MRPL36: variants seen among roughly 807,000 people sequenced by gnomAD.
MRPL36 encodes large ribosomal subunit protein bL36m.
A neutral mutation model predicts 2.8 loss-of-function variants in MRPL36; 1 was observed. The observed-to-expected ratio is 0.36, with a 90% CI of 0.13 to 1.69. MRPL36 has a LOEUF of 1.69. Among genes scored for constraint, MRPL36 ranks in the 40% most tolerant of loss-of-function variants. The probability of loss-of-function intolerance (pLI) is 0.35; values close to 1 mark genes in which losing one functional copy is unlikely to be tolerated. For synonymous variants in MRPL36, 68 were observed against 54.8 expected (o/e 1.24, Z -1.06); for missense variants, 148 against 132.7 (o/e 1.12, Z -0.57).
At chr5:1,801,199 C>T, upstream of MRPL36, 2 of 656,220 alleles carry the variant, frequency 3.0e-6, no homozygotes, top group Non-Finnish European at 2.5e-6. Context: ...AACAAGCGCA[C>T]AGTACTCGGT....
Position 1,799,823 on chromosome 5 carries a change from C to G in MRPL36, c.-44G>C, listed in dbSNP as rs953125959. ...GCACGCTCTCACCCGGCGCCGACCC[C>G]TGCGTCTGCGCACTGGCACGCGGAC... On this transcript the variant is annotated 5_prime_UTR_variant, in exon 1 of 2. Coordinates refer to ENST00000505059, the MANE Select transcript of MRPL36 (RefSeq NM_032479.4). 28 of 152,102 alleles carry G rather than the reference C, an allele frequency of 1.8e-4. No individual in the cohort carries two copies. The highest frequency in any genetic ancestry group is 3.1e-4 in the Non-Finnish European group (21 of 68,080). The allele number at this position is 152,102 out of a possible 1,614,324, so 9.4% of individuals were successfully genotyped here.
chr5:1,800,256 C>T (rs545850188), upstream of MRPL36, among the ~76,000 whole-genome samples: 6 of 152,110 alleles, frequency 3.9e-5, no homozygotes, highest in Admixed American at 6.5e-5. Flanking sequence ...TGAAAAACTT[C>T]GGACATAGAG....
chr5:1,800,948 A>G (rs1327945538), upstream of MRPL36, among the ~76,000 whole-genome samples: 1 of 152,200 alleles, frequency 6.6e-6, no homozygotes, highest in Admixed American at 6.5e-5. Context: ...AATAATTTTG[A>G]TATTTAAATG....
At chr5:1,801,381 C>T (rs756411481), upstream of MRPL36, 6 of 1,600,868 alleles carry the variant, frequency 3.7e-6, no homozygotes, top group African/African-American at 2.7e-5. Flanking sequence ...TAGCGCTAAG[C>T]GGGACGTTGC....
chr5:1,799,751 A>G (rs13187162), intron 1 of MRPL36, 41 bp downstream of exon 1: 112,032 of 152,176 alleles, frequency 0.74, 44,374 homozygotes, highest in Non-Finnish European at 0.88. Flanking sequence ...CCCACTCTCA[A>G]GACACCCGGG....
At chr5:1,800,910 G>A (rs1258530712), upstream of MRPL36, among the ~76,000 whole-genome samples, 1 of 152,184 alleles carries the variant, frequency 6.6e-6, no homozygotes, top group African/African-American at 2.4e-5. Flanking sequence ...TTCCAGTCTC[G>A]TCTGCTAAGC....
At chr5:1,799,958 C>G (rs537332922), upstream of MRPL36, 1 of 151,580 alleles carries the variant, frequency 6.6e-6, no homozygotes, top group South Asian at 2.1e-4. Context: ...TGGAGTGCGA[C>G]GTATCACTCC....
chr5:1,801,421 G>A (rs797045734), upstream of MRPL36: 4 of 1,605,162 alleles, frequency 2.5e-6, no homozygotes, highest in East Asian at 8.9e-5. Flanking sequence ...GCGCAAAATG[G>A]CGGCGGCGAT....
At position 1,799,784 on chromosome 5, in the gene MRPL36, T is replaced by TCCCTTACCCGTCCACACG. The variant is rs1554017851; in HGVS notation, c.-13+7_-13+8insCGTGTGGACGGGTAAGGG. 7.4e-6 allele frequency: 1 copy of TCCCTTACCCGTCCACACG among 134,288 alleles called. No individual in the cohort carries two copies. The highest frequency in any genetic ancestry group is 2.9e-5 in the African/African-American group (1 of 34,184). The allele number at this position is 134,288 out of a possible 1,614,324, so 8.3% of individuals were successfully genotyped here. On this transcript the variant is annotated splice_region_variant and intron_variant, in intron 1 of 1. Transcript: ENST00000505059. Reference sequence around the variant, plus strand: ...GGGACCCCTGACCTGAGAAGACGGCTCCCTTACCCGGCCGCACGCTCTCAC... The same window carrying TCCCTTACCCGTCCACACG: ...GGGACCCCTGACCTGAGAAGACGGCTCCCTTACCCGTCCACACGCCCTTACCCGGCCGCACGCTCTCAC...
At chr5:1,801,261 C>T (rs573895801), upstream of MRPL36, 2,400 of 1,134,886 alleles carry the variant, frequency 2.1e-3, 12 homozygotes, top group South Asian at 0.013. Flanking sequence ...GGGTGACCAC[C>T]TGAATCAGAG....
At chr5:1,801,254 T>TGAC (rs1734027603), upstream of MRPL36, 12 of 1,042,418 alleles carry the variant, frequency 1.2e-5, 1 homozygote, top group South Asian at 1.8e-4. Context: ...TGAAAACGGG[T>TGAC]GACCACCTGA....
rs1213505874 is a variant in MRPL36, at chr5:1,798,492, G to A, written c.*132C>T. ...TACTCATTTACACTGAAACGTGATGGGTAACTTTTAGGGCGTTTGCTTCCA... is the reference window on the plus strand; with the variant it reads ...TACTCATTTACACTGAAACGTGATGAGTAACTTTTAGGGCGTTTGCTTCCA... On this transcript the variant is annotated 3_prime_UTR_variant, in exon 2 of 2. Transcript: ENST00000505059. 1.3e-6 allele frequency: 1 copy of A among 780,108 alleles called. No individual in the cohort carries two copies. The highest frequency in any genetic ancestry group is 2.1e-6 in the Non-Finnish European group (1 of 485,846). The allele number at this position is 780,108 out of a possible 1,614,324, so 48.3% of individuals were successfully genotyped here.
upstream of MRPL36, among the ~76,000 whole-genome samples, chr5:1,801,113 G>A (rs1734024033): frequency 6.6e-6 from 1 of 152,254 alleles, no homozygotes; most frequent in Non-Finnish European, 1.5e-5. Flanking sequence ...GCTCTAGCCT[G>A]CGGCTGCAAC....
In MRPL36 at chr5:1,799,781, G is replaced by C. The variant is rs376298009; in HGVS notation, c.-13+11C>G. 1 of 38,844 alleles carries C rather than the reference G, an allele frequency of 2.6e-5. No individual in the cohort carries two copies. Among genetic ancestry groups the C allele is most frequent in the Non-Finnish European group, 1.2e-4 (1 of 8,324 alleles). The allele number at this position is 38,844 out of a possible 1,614,324, so 2.4% of individuals were successfully genotyped here. On this transcript the variant is annotated intron_variant, in intron 1 of 1. Transcript: ENST00000505059. ...CCCGGGACCCCTGACCTGAGAAGAC[G>C]GCTCCCTTACCCGGCCGCACGCTCT...
At chr5:1,800,626 C>T (rs1734009057), upstream of MRPL36, among the ~76,000 whole-genome samples, 2 of 152,224 alleles carry the variant, frequency 1.3e-5, no homozygotes, top group African/African-American at 4.8e-5. Context: ...TTATCATCTT[C>T]CCCGCCACTC....
rs887030592 is a variant in MRPL36 at position 1,798,425 on chromosome 5, T to C, written c.*199A>G. ...TTTTAATAGGAAAATGTTTTTTAGTTGGAACGTTTTGGAAATAAGATAACG... is the reference window on the plus strand; with the variant it reads ...TTTTAATAGGAAAATGTTTTTTAGTCGGAACGTTTTGGAAATAAGATAACG... On this transcript the variant is annotated 3_prime_UTR_variant, in exon 2 of 2. Coordinates refer to ENST00000505059, the MANE Select transcript of MRPL36 (RefSeq NM_032479.4). 13 of 548,130 alleles carry C rather than the reference T, an allele frequency of 2.4e-5. No individual in the cohort carries two copies. Among genetic ancestry groups the C allele is most frequent in the African/African-American group, 2.3e-4 (12 of 53,040 alleles). The allele number at this position is 548,130 out of a possible 1,614,324, so 34.0% of individuals were successfully genotyped here.
chr5:1,800,329 T>C (rs937865325), upstream of MRPL36, among the ~76,000 whole-genome samples: 1 of 152,188 alleles, frequency 6.6e-6, no homozygotes, highest in Non-Finnish European at 1.5e-5. Context: ...TACCCTTAGC[T>C]CGCTTATCCC....
upstream of MRPL36, chr5:1,801,333 C>G: frequency 2.0e-6 from 3 of 1,536,308 alleles, no homozygotes; most frequent in East Asian, 2.3e-5. Flanking sequence ...GAAATAAATA[C>G]CGGGTGTTTG....
chr5:1,801,115 G>A (rs1005022503), upstream of MRPL36, among the ~76,000 whole-genome samples: 1 of 152,206 alleles, frequency 6.6e-6, no homozygotes, highest in Non-Finnish European at 1.5e-5. Flanking sequence ...TCTAGCCTGC[G>A]GCTGCAACTG....
Sources: allele counts gnomAD v4.1 joint callset (sites outside exome capture counted in the v4.1 genomes callset), GRCh38; gene constraint gnomAD v4.1.1; transcripts MANE v1.5; gene names NCBI Gene and HGNC (gene_info 2026-07-23, HGNC 2026-07-21).